Variants in XPO4 observed in about 807,000 individuals in gnomAD.
XPO4 encodes the protein exportin-4.
Under a neutral mutation model 143.0 loss-of-function variants are expected in XPO4, and 39 were observed. The observed-to-expected ratio is 0.27, with a 90% CI of 0.21 to 0.36. The LOEUF (loss-of-function observed/expected upper bound fraction) is 0.36. Among genes scored for constraint, XPO4 ranks in the 10% least tolerant of loss-of-function variants. The probability of loss-of-function intolerance (pLI) is 1.00; values close to 1 mark genes in which losing one functional copy is unlikely to be tolerated. For missense variants in XPO4, 907 were observed against 1,348.0 expected, an observed-to-expected ratio of 0.67 and a Z score of 5.12; for synonymous variants, 439 against 474.0, an observed-to-expected ratio of 0.93 and a Z score of 0.96.
chr13:20,822,985 A>G (rs1176912485), intron 7 of XPO4, among the ~76,000 whole-genome samples: 4 of 152,184 alleles, frequency 2.6e-5, no homozygotes, highest in Non-Finnish European at 4.4e-5. Flanking sequence ...TTTTGTATGA[A>G]GGGAATGCTC....
chr13:20,902,086 T>C, intron 1 of XPO4: 1 of 985,330 alleles, frequency 1.0e-6, no homozygotes, highest in Non-Finnish European at 1.2e-6. Context: ...CTAGACCAAG[T>C]TTTGCCCCAA....
intron 4 of XPO4, 124 bp from the exon 5 acceptor site, chr13:20,844,010 A>G (rs1595122873): frequency 2.8e-6 from 2 of 709,650 alleles, no homozygotes; most frequent in East Asian, 5.1e-5. Context: ...GTATCTTTAG[A>G]TCTTATAACA....
intron 4 of XPO4, chr13:20,851,711 C>CAAAAAAAAA (rs11340357): frequency 5.9e-6 from 4 of 681,860 alleles, no homozygotes; most frequent in Non-Finnish European, 5.2e-6. Flanking sequence ...CCCGGTCTCA[C>CAAAAAAAAA]AAAAAAAAAA....
At chr13:20,809,762 TG>T (rs1566574329) in intron 10 of XPO4, 28 bp downstream of exon 10, 3 of 1,573,400 alleles carry the variant, frequency 1.9e-6, no homozygotes, top group Admixed American at 3.8e-5. Context: ...TGAAATAGAC[TG>T]TTAATTACCA....
rs908191317 is a variant in XPO4, at chr13:20,863,294, A to AT, written c.176-437dup. ...ATGAGCCATGCTGTTAAAATATTTC[A>AT]TTTTTAAGTATTAAGCTTTCAGCAG... On this transcript the variant is annotated intron_variant, in intron 2 of 22. Coordinates refer to ENST00000255305, the MANE Select transcript of XPO4 (RefSeq NM_022459.5). 8.7e-4 allele frequency among the ~76,000 whole-genome samples: 133 copies of AT among 152,234 alleles called. 1 individual carries two copies. Among genetic ancestry groups the AT allele is most frequent in the African/African-American group, 3.1e-3 (130 of 41,460 alleles).
At chr13:20,837,614 GTTGA>G (rs1303893609) in intron 6 of XPO4, among the ~76,000 whole-genome samples, 1 of 152,040 alleles carries the variant, frequency 6.6e-6, no homozygotes, top group Non-Finnish European at 1.5e-5. Flanking sequence ...TTCTCAGGCT[GTTGA>G]TAAACACATA....
intron 6 of XPO4, among the ~76,000 whole-genome samples, chr13:20,839,504 A>G (rs189918680): frequency 2.2e-4 from 33 of 152,272 alleles, no homozygotes; most frequent in African/African-American, 7.7e-4. Flanking sequence ...TACATTCTAA[A>G]TGGGTATATA....
At chr13:20,881,201 G>T (rs2060405855) in intron 1 of XPO4, among the ~76,000 whole-genome samples, 2 of 152,114 alleles carry the variant, frequency 1.3e-5, no homozygotes, top group South Asian at 4.1e-4. Context: ...GAAAAGTTCT[G>T]GAGATAGTGA....
At chr13:20,887,184 C>T (rs900571966) in intron 1 of XPO4, among the ~76,000 whole-genome samples, 4 of 152,174 alleles carry the variant, frequency 2.6e-5, no homozygotes, top group East Asian at 1.9e-4. Flanking sequence ...ACACTCCTTA[C>T]GCCATTTTAA....
At chr13:20,826,236 C>A (rs766485846) in intron 7 of XPO4, among the ~76,000 whole-genome samples, 1 of 152,162 alleles carries the variant, frequency 6.6e-6, no homozygotes, top group African/African-American at 2.4e-5. Flanking sequence ...CTGCTTACAT[C>A]TTGATATTTA....
chr13:20,787,554 G>A lies in XPO4; in HGVS notation c.3092C>T (p.Pro1031Leu), dbSNP rs2059222002. The A allele has an allele frequency of 1.2e-6, 2 of 1,614,098 alleles. No individual in the cohort carries two copies. Among genetic ancestry groups the A allele is most frequent in the Non-Finnish European group, 1.7e-6 (2 of 1,180,040 alleles). Residue 1031 changes from proline (P) to leucine (L), a missense_variant, in exon 21 of 23, where the codon CCG becomes CTG. Pro to Leu is a moderately conservative substitution (Grantham distance 98). Coordinates refer to ENST00000255305, the MANE Select transcript of XPO4 (RefSeq NM_022459.5). Reference protein sequence around the residue: ...VCQLCLEALTPLAEQCAKAQE... With the variant: ...VCQLCLEALTLLAEQCAKAQE... ...TGCTTTTGCACACTGTTCAGCTAACGGTGTCAAGGCCTCCAGGCAAAGCTG... is the reference window on the plus strand; with the variant it reads ...TGCTTTTGCACACTGTTCAGCTAACAGTGTCAAGGCCTCCAGGCAAAGCTG...
intron 4 of XPO4, among the ~76,000 whole-genome samples, chr13:20,845,880 T>C (rs1335110824): frequency 6.6e-6 from 1 of 152,200 alleles, no homozygotes; most frequent in Admixed American, 6.5e-5. Context: ...CCTAGGATCC[T>C]GAAAACAATT....
chr13:20,859,951 G>T, intron 3 of XPO4: 1 of 620,112 alleles, frequency 1.6e-6, no homozygotes, highest in Non-Finnish European at 2.0e-6. Context: ...ACAAGGGGGA[G>T]AAAAGGCTAT....
chr13:20,855,246 G>A (rs1047409802), intron 4 of XPO4, among the ~76,000 whole-genome samples: 3 of 152,060 alleles, frequency 2.0e-5, no homozygotes, highest in Non-Finnish European at 4.4e-5. Flanking sequence ...ACCTGAGGTC[G>A]GGAGTTTGAG....
rs2059491548 is a variant in XPO4, at chr13:20,805,469, T to C, written c.1817+1988A>G. ...ACGGCATTCTTGCTGTTCTTGAACA[T>C]GCCAAGCAGGCCCAGGGCCTTTGCA... On this transcript the variant is annotated intron_variant, in intron 13 of 22. Transcript: ENST00000255305. Among the ~76,000 whole-genome samples, 3 of 152,204 alleles carry C rather than the reference T, an allele frequency of 2.0e-5. No individual in the cohort carries two copies. The South Asian group carries it at 6.2e-4, about 31-fold the overall frequency.
At chr13:20,795,924 G>T in intron 18 of XPO4, 152 bp downstream of exon 18, 1 of 774,632 alleles carries the variant, frequency 1.3e-6, no homozygotes, top group Non-Finnish European at 2.0e-6. Context: ...GAGGGCCACT[G>T]GTCCTCACCC....
chr13:20,828,979 G>C (rs1182428033), intron 6 of XPO4, among the ~76,000 whole-genome samples: 1 of 152,232 alleles, frequency 6.6e-6, no homozygotes, highest in East Asian at 1.9e-4. Flanking sequence ...AAGACTGGCT[G>C]TTTAAAGCTG....
chr13:20,882,274 G>C (rs902959781), intron 1 of XPO4, among the ~76,000 whole-genome samples: 1 of 151,966 alleles, frequency 6.6e-6, no homozygotes, highest in Non-Finnish European at 1.5e-5. Flanking sequence ...AAGAAAAGAG[G>C]CTTATTTGGC....
At chr13:20,794,512 C>T (rs1193440518) in intron 18 of XPO4, among the ~76,000 whole-genome samples, 1 of 152,162 alleles carries the variant, frequency 6.6e-6, no homozygotes, top group Non-Finnish European at 1.5e-5. Context: ...GTTCCTGACA[C>T]ACCTGGAAAA....
Sources: gnomAD v4.1 joint callset for allele counts (sites outside exome capture counted in the v4.1 genomes callset) on GRCh38, gnomAD v4.1.1 for gene constraint, MANE v1.5 for transcripts, NCBI Gene and HGNC (gene_info 2026-07-23, HGNC 2026-07-21) for gene names.